The following PRKG1 variants were observed in gnomAD, a reference collection of about 807,000 sequenced individuals.
PRKG1 encodes cGMP-dependent protein kinase 1.
PRKG1 carries 35 observed loss-of-function variants against 88.1 expected under a neutral mutation model. That is an observed-to-expected ratio of 0.40 (90% confidence interval 0.30 to 0.53). The LOEUF (loss-of-function observed/expected upper bound fraction) is 0.53. PRKG1 is among the 20% of genes least tolerant of loss of function. The pLI, the probability that PRKG1 is intolerant of heterozygous loss-of-function variation, is 0.59. For missense variants in PRKG1, 540 were observed against 839.8 expected (o/e 0.64, Z 4.41); for synonymous variants, 303 against 292.5 (o/e 1.04, Z -0.37).
chr10:52,075,700 G>A (rs11000705), intron 7 of PRKG1, among the ~76,000 whole-genome samples: 26,033 of 152,148 alleles, frequency 0.17, 2,832 homozygotes, highest in South Asian at 0.28. Flanking sequence ...AGTTTTAACG[G>A]CTGGAAGTCT....
chr10:51,680,222 C>T (rs527798104), intron 3 of PRKG1, among the ~76,000 whole-genome samples: 1 of 152,008 alleles, frequency 6.6e-6, no homozygotes, highest in South Asian at 2.1e-4. Flanking sequence ...CAAAAGAATA[C>T]TTAATGTATA....
At chr10:52,144,772 G>T (rs779226392) in intron 8 of PRKG1, among the ~76,000 whole-genome samples, 4 of 152,050 alleles carry the variant, frequency 2.6e-5, no homozygotes, top group Non-Finnish European at 5.9e-5. Context: ...AGCTGAGATC[G>T]CATCACTGTA....
chr10:51,654,112 C>G (rs984538371), intron 3 of PRKG1, among the ~76,000 whole-genome samples: 1 of 151,874 alleles, frequency 6.6e-6, no homozygotes, highest in Non-Finnish European at 1.5e-5. Context: ...AGATCAATGT[C>G]AAGAAACTTT....
In PRKG1 at chr10:51,439,012, T is replaced by TTA. The variant is rs199705982; in HGVS notation, c.479-28711_479-28710insTA. Among the ~76,000 whole-genome samples the TTA allele has an allele frequency of 6.7e-4, 101 of 150,210 alleles. 1 individual carries two copies. The highest frequency in any genetic ancestry group is 9.8e-4 in the Non-Finnish European group (66 of 67,344). ...AACAACTAATTGGGATTTTTTTTTT[T>TTA]AAAAAAAAAGAGAAACCAATCCAAC... On this transcript the variant is annotated intron_variant, in intron 2 of 17. Coordinates refer to ENST00000373980, the MANE Select transcript of PRKG1 (RefSeq NM_006258.4).
At chr10:51,975,580 G>A (rs1207524419) in intron 5 of PRKG1, among the ~76,000 whole-genome samples, 1 of 152,082 alleles carries the variant, frequency 6.6e-6, no homozygotes, top group Non-Finnish European at 1.5e-5. Flanking sequence ...ATAGCTAGGT[G>A]TGTGCAAATG....
Position 52,193,548 on chromosome 10 carries a change from C to CAAAAAAAAAAAAA in PRKG1, c.1076+31587_1076+31599dup, listed in dbSNP as rs34730000. On this transcript the variant is annotated intron_variant, in intron 9 of 17. Coordinates refer to ENST00000373980, the MANE Select transcript of PRKG1 (RefSeq NM_006258.4). Reference sequence around the variant, plus strand: ...GAACAAAAAGAGTGAGACTCTGTCTCAAAAAAAAAAAAAACAAAAAAAAAA... The same window carrying CAAAAAAAAAAAAA: ...GAACAAAAAGAGTGAGACTCTGTCTCAAAAAAAAAAAAAAAAAAAAAAAAAAACAAAAAAAAAA... Among the ~76,000 whole-genome samples the CAAAAAAAAAAAAA allele has an allele frequency of 3.3e-4, 14 of 42,832 alleles. 1 individual carries two copies. The highest frequency in any genetic ancestry group is 9.6e-4 in the African/African-American group (13 of 13,544). The allele number at this position is 42,832 out of a possible 152,430, so 28.1% of individuals were successfully genotyped here. A position where few individuals can be genotyped will look rare whatever the true frequency, so the allele number is the denominator to read the frequency against.
intron 2 of PRKG1, among the ~76,000 whole-genome samples, chr10:51,169,063 G>T (rs1268438237): frequency 6.6e-6 from 1 of 152,134 alleles, no homozygotes; most frequent in Admixed American, 6.5e-5. Flanking sequence ...AGTTCTAAAG[G>T]AATAAAGGAA....
At chr10:51,784,571 GT>G (rs1469157621) in intron 3 of PRKG1, among the ~76,000 whole-genome samples, 5 of 152,108 alleles carry the variant, frequency 3.3e-5, no homozygotes, top group Non-Finnish European at 7.4e-5. Context: ...GTTCCAGTGT[GT>G]TTTATATTTG....
chr10:51,323,008 A>C (rs2132512025), intron 2 of PRKG1, among the ~76,000 whole-genome samples: 1 of 152,360 alleles, frequency 6.6e-6, no homozygotes, highest in African/African-American at 2.4e-5. Context: ...GAAACTAAAT[A>C]GTAGACATTT....
At chr10:51,212,254 G>A (rs971707148) in intron 2 of PRKG1, among the ~76,000 whole-genome samples, 1 of 151,570 alleles carries the variant, frequency 6.6e-6, no homozygotes, top group African/African-American at 2.4e-5. Context: ...GGGAAAACTG[G>A]CTAGCCATAT....
At chr10:51,620,660 A>G (rs1452129340) in intron 3 of PRKG1, among the ~76,000 whole-genome samples, 1 of 152,004 alleles carries the variant, frequency 6.6e-6, no homozygotes, top group East Asian at 1.9e-4. Flanking sequence ...TCTACTTATT[A>G]ATTACTTCCA....
intron 4 of PRKG1, among the ~76,000 whole-genome samples, chr10:51,811,395 T>G (rs1839451852): frequency 6.6e-6 from 1 of 152,198 alleles, no homozygotes; most frequent in African/African-American, 2.4e-5. Context: ...GTTTCATTTT[T>G]TTAATAACTC....
intron 2 of PRKG1, among the ~76,000 whole-genome samples, chr10:51,156,282 A>T (rs1463957176): frequency 1.5e-5 from 1 of 67,880 alleles, no homozygotes; most frequent in East Asian, 3.4e-4. Context: ...AAGCAAACGA[A>T]GTTATTTGAT....
intron 1 of PRKG1, among the ~76,000 whole-genome samples, chr10:51,081,100 A>G (rs1205491002): frequency 6.6e-6 from 1 of 152,166 alleles, no homozygotes; most frequent in African/African-American, 2.4e-5. Flanking sequence ...TTCATTGCTT[A>G]TAAAATTCAT....
At chr10:51,671,403 A>G (rs946448746) in intron 3 of PRKG1, among the ~76,000 whole-genome samples, 8 of 152,204 alleles carry the variant, frequency 5.3e-5, no homozygotes, top group African/African-American at 1.9e-4. Flanking sequence ...TGGCAGGGCC[A>G]TGATCCCTCT....
chr10:51,625,140 C>T (rs1204966575), intron 3 of PRKG1, among the ~76,000 whole-genome samples: 13 of 152,198 alleles, frequency 8.5e-5, no homozygotes, highest in Admixed American at 4.6e-4. Flanking sequence ...TATGTGTACA[C>T]GCATTGAGAC....
At chr10:51,281,832 C>T (rs548522363) in intron 2 of PRKG1, among the ~76,000 whole-genome samples, 4 of 152,108 alleles carry the variant, frequency 2.6e-5, no homozygotes, top group Admixed American at 2.0e-4. Flanking sequence ...TGGGCTTTCT[C>T]CTGAGGGAAG....
rs568491383 is a variant in PRKG1 at position 51,181,311 on chromosome 10, G to T, written c.478+27981G>T. Among the ~76,000 whole-genome samples, 355 of 128,594 alleles carry T rather than the reference G, an allele frequency of 2.8e-3. 2 individuals are homozygous for T. The highest frequency in any genetic ancestry group is 2.8e-3 in the Non-Finnish European group (183 of 64,622). 84.4% of individuals were successfully genotyped at this position (128,594 alleles called of 152,430 possible). ...CTGCGGACTGCAGTGGCGCAATCTC[G>T]GCTCACTGCAAGCTCCGCTTCCCGG... On this transcript the variant is annotated intron_variant, in intron 2 of 17. Transcript: ENST00000373980.
intron 5 of PRKG1, among the ~76,000 whole-genome samples, chr10:51,925,035 A>G (rs979041450): frequency 5.9e-5 from 9 of 151,350 alleles, no homozygotes; most frequent in African/African-American, 2.2e-4. Context: ...AATTTCTGCC[A>G]TACATGGTTT....
Sources: allele counts gnomAD v4.1 joint callset (sites outside exome capture counted in the v4.1 genomes callset), GRCh38; gene constraint gnomAD v4.1.1; transcripts MANE v1.5; gene names NCBI Gene and HGNC (gene_info 2026-07-23, HGNC 2026-07-21).